The following MEGF10 variants were observed in gnomAD, a reference collection of about 807,000 sequenced individuals.
MEGF10 encodes the protein multiple epidermal growth factor-like domains protein 10.
MEGF10 carries 86 observed loss-of-function variants against 147.5 expected under a neutral mutation model. The observed-to-expected ratio is 0.58, with a 90% CI of 0.49 to 0.70. The LOEUF (loss-of-function observed/expected upper bound fraction) is 0.70, where lower values mean the gene tolerates loss of function less well. Among genes scored for constraint, MEGF10 ranks in the 30% least tolerant of loss-of-function variants. The probability of loss-of-function intolerance (pLI) is 0.00; values close to 1 mark genes in which losing one functional copy is unlikely to be tolerated. For missense variants in MEGF10, 1,329 were observed against 1,487.3 expected, an observed-to-expected ratio of 0.89 and a Z score of 1.75; for synonymous variants, 478 against 525.5, an observed-to-expected ratio of 0.91 and a Z score of 1.24.
In MEGF10 at chr5:127,397,202, T is replaced by C. The variant is rs144004730; in HGVS notation, c.659+424T>C. Among the ~76,000 whole-genome samples, 34 of 152,248 alleles carry C rather than the reference T, an allele frequency of 2.2e-4. No individual in the cohort carries two copies. The East Asian group carries it at 4.2e-3, about 19-fold the overall frequency. Reference sequence around the variant, plus strand: ...AATTAATTAGCTGGGGAAAGCTGGGTGGGTTCAGTGCATTAGAAGAGAAAA... The same window carrying C: ...AATTAATTAGCTGGGGAAAGCTGGGCGGGTTCAGTGCATTAGAAGAGAAAA... On this transcript the variant is annotated intron_variant, in intron 6 of 24. Transcript: ENST00000503335.
At chr5:127,268,327 T>C in the MEGF10 span, among the ~76,000 whole-genome samples, 1 of 152,250 alleles carries the variant, frequency 6.6e-6, no homozygotes, top group African/African-American at 2.4e-5. Flanking sequence ...TGAGGAGTCC[T>C]TTACTTCCAA....
chr5:127,414,925 A>C (rs927586985), intron 9 of MEGF10, among the ~76,000 whole-genome samples: 1 of 152,212 alleles, frequency 6.6e-6, no homozygotes, highest in Non-Finnish European at 1.5e-5. Context: ...GGAGAGACCT[A>C]CCTTCAATTT....
intron 1 of MEGF10, among the ~76,000 whole-genome samples, chr5:127,304,044 A>C (rs532021515): frequency 3.9e-5 from 6 of 152,202 alleles, no homozygotes; most frequent in African/African-American, 7.2e-5. Flanking sequence ...TCTGTTTTTA[A>C]CTGAGTGAGT....
intron 10 of MEGF10, 39 bp from the exon 11 acceptor site, chr5:127,419,081 G>C (rs371065647): frequency 9.8e-5 from 155 of 1,576,706 alleles, no homozygotes; most frequent in Admixed American, 2.1e-4. Flanking sequence ...TATTTCAGTT[G>C]GCAAAATTGA....
At chr5:127,427,931 G>C (rs1487918550) in intron 13 of MEGF10, among the ~76,000 whole-genome samples, 1 of 152,070 alleles carries the variant, frequency 6.6e-6, no homozygotes, top group East Asian at 1.9e-4. Context: ...GTGTCTGCAG[G>C]TTCATATGTA....
chr5:127,352,229 C>A (rs1459302060), intron 4 of MEGF10, among the ~76,000 whole-genome samples: 1 of 152,148 alleles, frequency 6.6e-6, no homozygotes, highest in East Asian at 1.9e-4. Flanking sequence ...ACATGACCAC[C>A]AGTAATGTAT....
At chr5:127,436,118 G>A (rs118030619) in intron 16 of MEGF10, among the ~76,000 whole-genome samples, 4,819 of 152,248 alleles carry the variant, frequency 0.032, 72 homozygotes, top group East Asian at 0.045. Context: ...CCAAAAAATA[G>A]CATATGTATG....
chr5:127,309,999 T>TTCCG (rs1367589101), intron 1 of MEGF10, among the ~76,000 whole-genome samples: 14 of 65,200 alleles, frequency 2.1e-4, no homozygotes, highest in African/African-American at 8.2e-4. Context: ...CTTTCTTTCC[T>TTCCG]TCCTTCCTTC....
At chr5:127,285,986 A>T (rs1021292021), upstream of MEGF10, among the ~76,000 whole-genome samples, 1 of 152,146 alleles carries the variant, frequency 6.6e-6, no homozygotes, top group South Asian at 2.1e-4. Flanking sequence ...GCCATAAAAA[A>T]TTGGAATCGT....
rs565510624 is a variant in MEGF10, at chr5:127,444,125, C to T, written c.2491+999C>T. ...GGTTGGGGACTTTGAGAAAGTGCTTCTGATGGTTCTGAAGCATGCCCTCCA... is the reference window on the plus strand; with the variant it reads ...GGTTGGGGACTTTGAGAAAGTGCTTTTGATGGTTCTGAAGCATGCCCTCCA... On this transcript the variant is annotated intron_variant, in intron 19 of 24. Coordinates refer to ENST00000503335, the MANE Select transcript of MEGF10 (RefSeq NM_001256545.2). Among the ~76,000 whole-genome samples, 31 of 152,130 alleles carry T rather than the reference C, an allele frequency of 2.0e-4. 1 individual carries two copies. The highest frequency in any genetic ancestry group is 4.1e-4 in the Non-Finnish European group (28 of 68,040).
chr5:127,407,805 G>T (rs1214685864), intron 8 of MEGF10, among the ~76,000 whole-genome samples: 1 of 152,100 alleles, frequency 6.6e-6, no homozygotes, highest in Non-Finnish European at 1.5e-5. Flanking sequence ...AATCAGACAG[G>T]CATCAGCTAT....
the MEGF10 span, among the ~76,000 whole-genome samples, chr5:127,247,410 G>A: frequency 4.4e-5 from 3 of 68,150 alleles, no homozygotes; most frequent in African/African-American, 7.9e-5. Flanking sequence ...AGAAGAAGAA[G>A]AAGAAGAAGA....
chr5:127,295,917 T>C (rs999362642), intron 1 of MEGF10, among the ~76,000 whole-genome samples: 1 of 152,240 alleles, frequency 6.6e-6, no homozygotes, highest in African/African-American at 2.4e-5. Flanking sequence ...TTTTCTAGCT[T>C]AGCATAAGCC....
intron 13 of MEGF10, among the ~76,000 whole-genome samples, chr5:127,424,092 C>G (rs1765124778): frequency 1.3e-5 from 2 of 152,320 alleles, no homozygotes; most frequent in African/African-American, 4.8e-5. Context: ...TTGCGTGTGG[C>G]TATCCAGTTG....
At chr5:127,342,131 A>G (rs1161410403) in intron 4 of MEGF10, among the ~76,000 whole-genome samples, 1 of 152,222 alleles carries the variant, frequency 6.6e-6, no homozygotes, top group African/African-American at 2.4e-5. Context: ...GAAAAATTAC[A>G]TGTTTATAAT....
chr5:127,267,833 C>T, the MEGF10 span, among the ~76,000 whole-genome samples: 3 of 152,096 alleles, frequency 2.0e-5, no homozygotes, highest in Admixed American at 2.0e-4. Flanking sequence ...ATTAGTCTTG[C>T]AAGCAGTCTA....
the MEGF10 span, among the ~76,000 whole-genome samples, chr5:127,250,278 T>C: frequency 2.6e-5 from 4 of 152,134 alleles, no homozygotes; most frequent in African/African-American, 9.6e-5. Flanking sequence ...ACCTAATAAC[T>C]ATGTTTAACA....
At chr5:127,307,950 G>A (rs1483954355) in intron 1 of MEGF10, among the ~76,000 whole-genome samples, 1 of 152,168 alleles carries the variant, frequency 6.6e-6, no homozygotes, top group Non-Finnish European at 1.5e-5. Context: ...GATGACCTGA[G>A]CAGACCCTGT....
intron 1 of MEGF10, among the ~76,000 whole-genome samples, chr5:127,317,544 T>C (rs1760608525): frequency 6.6e-6 from 1 of 152,178 alleles, no homozygotes; most frequent in Non-Finnish European, 1.5e-5. Flanking sequence ...ATGTGGCACG[T>C]ACACACCACG....
Sources: allele counts gnomAD v4.1 joint callset (sites outside exome capture counted in the v4.1 genomes callset), GRCh38; gene constraint gnomAD v4.1.1; transcripts MANE v1.5; gene names NCBI Gene and HGNC (gene_info 2026-07-23, HGNC 2026-07-21).